The following CDYL variants were observed in gnomAD, a reference collection of about 807,000 sequenced individuals.
CDYL encodes chromodomain Y like.
In CDYL, 8 loss-of-function variants were observed where a neutral mutation model predicts 47.3. The observed-to-expected ratio is 0.17, with a 90% CI of 0.10 to 0.31. The LOEUF (loss-of-function observed/expected upper bound fraction) is 0.31, where lower values mean the gene tolerates loss of function less well. Among genes scored for constraint, CDYL ranks in the 10% least tolerant of loss-of-function variants. CDYL has a pLI of 1.00. For synonymous variants in CDYL, 266 were observed against 265.0 expected, an observed-to-expected ratio of 1.00 and a Z score of -0.04; for missense variants, 471 against 701.4, an observed-to-expected ratio of 0.67 and a Z score of 3.71.
At chr6:4,771,856 GAGTT>G (rs1561842997), upstream of CDYL, among the ~76,000 whole-genome samples, 1 of 152,196 alleles carries the variant, frequency 6.6e-6, no homozygotes, top group African/African-American at 2.4e-5. Context: ...GATCCAAAAT[GAGTT>G]AGTTACTGCC....
chr6:4,789,572 A>T (rs908305886), intron 1 of CDYL, among the ~76,000 whole-genome samples: 1 of 152,156 alleles, frequency 6.6e-6, no homozygotes, highest in Non-Finnish European at 1.5e-5. Context: ...TACCCAGTAC[A>T]GTCCTTGAGG....
chr6:4,781,650 T>C (rs1031669412), intron 1 of CDYL, among the ~76,000 whole-genome samples: 1 of 152,200 alleles, frequency 6.6e-6, no homozygotes, highest in Admixed American at 6.5e-5. Context: ...CAGAATAGCG[T>C]TTTTTTCATT....
rs766037143 is a variant in CDYL, at chr6:4,892,020, A to G, written c.332A>G (p.Gln111Arg). 1 of 1,614,236 alleles carries G rather than the reference A, an allele frequency of 6.2e-7. No individual in the cohort carries two copies. The highest frequency in any genetic ancestry group is 1.1e-5 in the South Asian group (1 of 91,090). ...IGKDHESKNS[Q>R]LFAASQKFRK... ...AAAGACCACGAATCCAAAAACAGCC[A>G]GCTGTTTGCTGCCAGCCAGAAGTTC... is the stretch of plus-strand genomic sequence containing the variant. Residue 111 changes from glutamine (Q) to arginine (R), a missense_variant, in exon 2 of 7, where the codon CAG becomes CGG. By Grantham distance (43) the Gln-to-Arg change is conservative (BLOSUM62 1). Around this residue, in one of 3 missense-constraint regions of CDYL, gnomAD observed 311 missense variants for 350.0 expected, o/e 0.89. Transcript: ENST00000397588.
intron 2 of CDYL, among the ~76,000 whole-genome samples, chr6:4,733,989 T>C (rs1427865553): frequency 6.6e-6 from 1 of 151,926 alleles, no homozygotes; most frequent in African/African-American, 2.4e-5. Flanking sequence ...GTAGCTAGGA[T>C]TACAGGTGAT....
At chr6:4,775,604 G>A (rs11963533), upstream of CDYL, among the ~76,000 whole-genome samples, 8,830 of 151,836 alleles carry the variant, frequency 0.058, 890 homozygotes, top group African/African-American at 0.2. The surrounding 1 kb of genome is among the most constrained non-coding windows in gnomAD (Gnocchi z 7.0). Flanking sequence ...GGAGCTGCGG[G>A]CAGAGCGGAG....
chr6:4,794,801 T>C (rs1021632448), intron 1 of CDYL, among the ~76,000 whole-genome samples: 1 of 152,216 alleles, frequency 6.6e-6, no homozygotes, highest in Non-Finnish European at 1.5e-5. Context: ...GTTGGTCTCG[T>C]TGATGGAAAA....
intron 1 of CDYL, among the ~76,000 whole-genome samples, chr6:4,806,451 GTT>G (rs1759372504): frequency 6.6e-6 from 1 of 152,196 alleles, no homozygotes; most frequent in East Asian, 1.9e-4. Flanking sequence ...TTTTGCAGTA[GTT>G]TTAGAGTTTC....
chr6:4,817,031 A>G (rs1035648059), intron 1 of CDYL, among the ~76,000 whole-genome samples: 10 of 152,174 alleles, frequency 6.6e-5, no homozygotes, highest in African/African-American at 2.4e-4. Context: ...GCATTTCCTG[A>G]TATCATCAAA....
chr6:4,738,282 C>T (rs1660622350), intron 3 of CDYL, among the ~76,000 whole-genome samples: 1 of 152,136 alleles, frequency 6.6e-6, no homozygotes, highest in South Asian at 2.1e-4. Flanking sequence ...GAGGCTGAGG[C>T]ACAAGAATCA....
chr6:4,772,104 C>A (rs1480001585), upstream of CDYL, among the ~76,000 whole-genome samples: 8 of 152,196 alleles, frequency 5.3e-5, no homozygotes, highest in African/African-American at 1.9e-4. Context: ...AACACTAAAT[C>A]TAGTTGAAAA....
chr6:4,778,225 A>G (rs991165928), intron 1 of CDYL, among the ~76,000 whole-genome samples: 27 of 152,136 alleles, frequency 1.8e-4, no homozygotes, highest in African/African-American at 6.5e-4. Context: ...GGGGGATTTT[A>G]GTTTCTACAT....
chr6:4,754,405 C>T (rs1758044588), intron 3 of CDYL, among the ~76,000 whole-genome samples: 1 of 152,158 alleles, frequency 6.6e-6, no homozygotes, highest in Admixed American at 6.5e-5. Flanking sequence ...TATAAACAGA[C>T]ATTGAAGGGT....
intron 2 of CDYL, among the ~76,000 whole-genome samples, chr6:4,722,144 C>T (rs114700079): frequency 3.9e-5 from 6 of 152,152 alleles, no homozygotes; most frequent in South Asian, 2.1e-4. Context: ...TGAGCCACTG[C>T]GCCCGGCCAG....
chr6:4,821,230 A>C (rs1219035835), intron 1 of CDYL, among the ~76,000 whole-genome samples: 1 of 141,634 alleles, frequency 7.1e-6, no homozygotes, highest in Non-Finnish European at 1.5e-5. Flanking sequence ...AAATCAGAGG[A>C]GAGGTGATTA....
At chr6:4,801,097 A>G (rs1759213148) in intron 1 of CDYL, among the ~76,000 whole-genome samples, 1 of 152,052 alleles carries the variant, frequency 6.6e-6, no homozygotes, top group Admixed American at 6.5e-5. Flanking sequence ...TGTTCTTCAG[A>G]TTATTCTGTA....
intron 3 of CDYL, among the ~76,000 whole-genome samples, chr6:4,769,338 A>G (rs140560991): frequency 3.9e-4 from 59 of 152,360 alleles, no homozygotes; most frequent in African/African-American, 1.3e-3. Flanking sequence ...TATGAAAAAC[A>G]TCAACAACTA....
chr6:4,727,272 A>G (rs1483053317), intron 2 of CDYL, among the ~76,000 whole-genome samples: 1 of 152,130 alleles, frequency 6.6e-6, no homozygotes, highest in Non-Finnish European at 1.5e-5. Context: ...ATCAATAAGT[A>G]ATGACAGTTT....
At chr6:4,763,104 A>G (rs943498337) in intron 3 of CDYL, among the ~76,000 whole-genome samples, 1 of 152,184 alleles carries the variant, frequency 6.6e-6, no homozygotes, top group Admixed American at 6.5e-5. Context: ...AAACAATTGA[A>G]AGTAGGAGAC....
intron 1 of CDYL, among the ~76,000 whole-genome samples, chr6:4,799,039 G>A (rs1759151316): frequency 6.6e-6 from 1 of 152,092 alleles, no homozygotes; most frequent in Non-Finnish European, 1.5e-5. Flanking sequence ...GGCCATTGCT[G>A]TATTGTCTTA....
Sources: allele counts gnomAD v4.1 joint callset (sites outside exome capture counted in the v4.1 genomes callset), GRCh38; gene constraint gnomAD v4.1.1; regional missense constraint gnomAD v4.1.1; non-coding constraint Gnocchi (gnomAD v3.1); transcripts MANE v1.5; gene names NCBI Gene and HGNC (gene_info 2026-07-23, HGNC 2026-07-21).